DISC1: variants seen among roughly 807,000 people sequenced by gnomAD.
DISC1 encodes disrupted in schizophrenia 1 protein.
Under a neutral mutation model 84.5 loss-of-function variants are expected in DISC1, and 57 were observed. The observed-to-expected ratio is 0.67, with a 90% confidence interval of 0.55 to 0.84. The LOEUF is 0.84. Ranked by LOEUF, DISC1 falls within the 40% of genes least tolerant of loss-of-function variation. The pLI is 0.00. For missense variants in DISC1, 1,000 were observed against 1,057.8 expected, an observed-to-expected ratio of 0.95 and a Z score of 0.76; for synonymous variants, 411 against 415.2, an observed-to-expected ratio of 0.99 and a Z score of 0.12.
intron 1 of DISC1, among the ~76,000 whole-genome samples, chr1:231,643,557 G>A (rs1339478758): frequency 9.2e-5 from 14 of 152,102 alleles, no homozygotes; most frequent in Admixed American, 9.2e-4. Context: ...GATGTGTAGA[G>A]TTTCAAGTAC....
At chr1:231,895,683 C>A (rs940241058) in intron 9 of DISC1, among the ~76,000 whole-genome samples, 2 of 151,450 alleles carry the variant, frequency 1.3e-5, no homozygotes, top group African/African-American at 2.4e-5. Flanking sequence ...ATGGAATTAA[C>A]TGTAATTTTG....
chr1:231,888,258 G>A (rs185350270), intron 9 of DISC1, among the ~76,000 whole-genome samples: 5 of 152,166 alleles, frequency 3.3e-5, no homozygotes, highest in South Asian at 2.1e-4. Flanking sequence ...ACTGCACGGC[G>A]TCTGGAAGGC....
chr1:231,992,515 G>T (rs821655), intron 10 of DISC1, among the ~76,000 whole-genome samples: 63,983 of 151,902 alleles, frequency 0.42, 15,092 homozygotes, highest in African/African-American at 0.65. Flanking sequence ...AATTGATATG[G>T]GTCTAAATTT....
chr1:231,711,142 T>C (rs2067768531), intron 3 of DISC1, among the ~76,000 whole-genome samples: 3 of 152,112 alleles, frequency 2.0e-5, no homozygotes, highest in Admixed American at 1.3e-4. Flanking sequence ...CAGTATATCA[T>C]GGTATCCCTT....
intron 9 of DISC1, among the ~76,000 whole-genome samples, chr1:231,831,849 TGGGGG>T (rs59813729): frequency 7.0e-6 from 1 of 142,108 alleles, no homozygotes; most frequent in Admixed American, 6.9e-5. Flanking sequence ...TGAGAGGTAG[TGGGGG>T]GGGGTGGGCA....
intron 3 of DISC1, among the ~76,000 whole-genome samples, chr1:231,720,151 A>C (rs2069445875): frequency 1.3e-5 from 2 of 152,126 alleles, no homozygotes. Context: ...TGGCCAGAAC[A>C]TTTAGTGTAA....
intron 10 of DISC1, among the ~76,000 whole-genome samples, chr1:232,008,111 C>T (rs1018627563): frequency 3.3e-5 from 5 of 152,220 alleles, no homozygotes; most frequent in South Asian, 2.1e-4. Context: ...TGTAAATTAA[C>T]GAGTCTTGGG....
intron 9 of DISC1, among the ~76,000 whole-genome samples, chr1:231,895,557 G>T (rs1422775646): frequency 6.6e-6 from 1 of 150,924 alleles, no homozygotes; most frequent in African/African-American, 2.4e-5. Flanking sequence ...GATCAATAAG[G>T]TTTTAAAAAT....
chr1:231,702,066 C>T, intron 3 of DISC1, 42 bp downstream of exon 3: 2 of 1,584,104 alleles, frequency 1.3e-6, no homozygotes, highest in Non-Finnish European at 1.7e-6. Flanking sequence ...TCATCATGTC[C>T]CAATTTTCTT....
chr1:231,907,021 TTCTC>T lies in DISC1; in HGVS notation c.1982-51797_1982-51794del, dbSNP rs374256479. ...TTCTTTCTCTCTCTCTTTCTTTTTC[TTCTC>T]TCTCTCTCTTTCTTTCCCTCCCTCC... On this transcript the variant is annotated intron_variant, in intron 9 of 12. Transcript: ENST00000439617. Among the ~76,000 whole-genome samples the T allele has an allele frequency of 1.6e-4, 24 of 150,566 alleles. 1 individual carries two copies. Among genetic ancestry groups the T allele is most frequent in the Admixed American group, 5.3e-4 (8 of 15,050 alleles).
At chr1:231,857,431 C>G (rs558318247) in intron 9 of DISC1, among the ~76,000 whole-genome samples, 1 of 152,156 alleles carries the variant, frequency 6.6e-6, no homozygotes, top group Non-Finnish European at 1.5e-5. Context: ...TGATGGCACT[C>G]CAGGTGTGTG....
rs1284428560 is a variant in DISC1, at chr1:232,026,488, G to A, written c.2361G>A (p.Lys787=). The stretch of plus-strand genomic sequence containing the variant: ...GAGAAAAGTGTGAAGACATAGGCAA[G>A]AAGCTATTGTACTTGGAAGATCAAC... ...ELGEKCEDIG[K]KLLYLEDQLH... is the part of the protein sequence containing the mutation. Residue 787 remains lysine, a synonymous_variant, in exon 12 of 13, where the codon AAG becomes AAA. Coordinates refer to ENST00000439617, the MANE Select transcript of DISC1 (RefSeq NM_018662.3). 6.2e-7 allele frequency: 1 copy of A among 1,609,104 alleles called. No individual in the cohort carries two copies. The highest frequency in any genetic ancestry group is 8.5e-7 in the Non-Finnish European group (1 of 1,177,684).
Position 232,036,879 on chromosome 1 carries a change from G to C in DISC1, c.*48G>C, listed in dbSNP as rs1670564361. Reference sequence around the variant, plus strand: ...AGGTGGGCCACCATGTTTGGACCCGGGGGGCTGCTCTTCCCTCCCCCGCCA... The same window carrying C: ...AGGTGGGCCACCATGTTTGGACCCGCGGGGCTGCTCTTCCCTCCCCCGCCA... On this transcript the variant is annotated 3_prime_UTR_variant, in exon 13 of 13. Coordinates refer to ENST00000439617, the MANE Select transcript of DISC1 (RefSeq NM_018662.3). The C allele has an allele frequency of 6.9e-7, 1 of 1,452,862 alleles. No individual in the cohort carries two copies. The highest frequency in any genetic ancestry group is 9.2e-7 in the Non-Finnish European group (1 of 1,085,308). 90.0% of individuals were successfully genotyped at this position (1,452,862 alleles called of 1,614,324 possible). A position where few individuals can be genotyped will look rare whatever the true frequency, so the allele number is the denominator to read the frequency against.
At chr1:231,971,064 C>A (rs1472570175) in intron 10 of DISC1, among the ~76,000 whole-genome samples, 1 of 152,162 alleles carries the variant, frequency 6.6e-6, no homozygotes, top group Admixed American at 6.5e-5. Context: ...TTCATGGCAC[C>A]TGTTACAGTT....
intron 9 of DISC1, among the ~76,000 whole-genome samples, chr1:231,903,848 AC>A (rs775130583): frequency 1.3e-5 from 2 of 152,184 alleles, no homozygotes; most frequent in African/African-American, 4.8e-5. Flanking sequence ...AAGATGGGAA[AC>A]CATTTCAGAG....
intron 11 of DISC1, among the ~76,000 whole-genome samples, chr1:232,018,128 C>T (rs927812002): frequency 1.3e-5 from 2 of 152,140 alleles, no homozygotes; most frequent in African/African-American, 4.8e-5. Context: ...TAAACAGTTT[C>T]CTTTTCCAAA....
chr1:231,959,704 A>G (rs1660113458), intron 10 of DISC1, among the ~76,000 whole-genome samples: 2 of 152,220 alleles, frequency 1.3e-5, no homozygotes, highest in South Asian at 2.1e-4. Context: ...GCAAGGCACT[A>G]CAGGATTTAT....
intron 1 of DISC1, among the ~76,000 whole-genome samples, chr1:231,689,733 A>G (rs564071112): frequency 6.6e-6 from 1 of 152,336 alleles, no homozygotes; most frequent in South Asian, 2.1e-4. Context: ...TCTCTGATAT[A>G]CTGTAAACTA....
chr1:231,985,232 A>G (rs1260740327), intron 10 of DISC1, among the ~76,000 whole-genome samples: 1 of 150,506 alleles, frequency 6.6e-6, no homozygotes, highest in Non-Finnish European at 1.5e-5. Flanking sequence ...AGGCTGAGGT[A>G]GGAGAATTGC....
Sources: allele counts gnomAD v4.1 joint callset (sites outside exome capture counted in the v4.1 genomes callset), GRCh38; gene constraint gnomAD v4.1.1; transcripts MANE v1.5; gene names NCBI Gene and HGNC (gene_info 2026-07-23, HGNC 2026-07-21).